The following ZC3H12B variants were observed in gnomAD, a reference collection of about 807,000 sequenced individuals.
The protein encoded by ZC3H12B is probable ribonuclease ZC3H12B.
Under a neutral mutation model 43.9 loss-of-function variants are expected in ZC3H12B, and 7 were observed. The observed-to-expected ratio is 0.16, with a 90% CI of 0.09 to 0.30. The LOEUF (loss-of-function observed/expected upper bound fraction) is 0.30, where lower values mean the gene tolerates loss of function less well. Among genes scored for constraint, ZC3H12B ranks in the 10% least tolerant of loss-of-function variants. The pLI, the probability that ZC3H12B is intolerant of heterozygous loss-of-function variation, is 1.00. For missense variants in ZC3H12B, 475 were observed against 670.2 expected, an observed-to-expected ratio of 0.71 and a Z score of 3.22; for synonymous variants, 222 against 241.7, an observed-to-expected ratio of 0.92 and a Z score of 0.76.
At chrX:65,427,782 T>C (rs1328829872) in intron 3 of ZC3H12B, among the ~76,000 whole-genome samples, 1 of 111,996 alleles carries the variant, frequency 8.9e-6, no homozygotes, top group East Asian at 2.8e-4. Context: ...TTATTATTGT[T>C]ATATGGGGAT....
chrX:65,240,530 G>A, the ZC3H12B span, among the ~76,000 whole-genome samples: 1 of 111,753 alleles, frequency 8.9e-6, no homozygotes, highest in South Asian at 3.7e-4. Context: ...TAGCTCAGCA[G>A]TTTGTTATTA....
the ZC3H12B span, among the ~76,000 whole-genome samples, chrX:65,353,100 G>GC: frequency 6.3e-5 from 7 of 110,374 alleles, no homozygotes; most frequent in Middle Eastern, 4.7e-3. Context: ...CAAGCTATCT[G>GC]CCCCCCCGGC....
chrX:65,436,280 A>G (rs1393268747), intron 3 of ZC3H12B, among the ~76,000 whole-genome samples: 2 of 112,449 alleles, frequency 1.8e-5, no homozygotes, highest in Non-Finnish European at 3.8e-5. Context: ...AACACTGGGA[A>G]CCACAACTCA....
At chrX:65,197,330 C>A in the ZC3H12B span, among the ~76,000 whole-genome samples, 6 of 112,148 alleles carry the variant, frequency 5.4e-5, no homozygotes, top group African/African-American at 9.7e-5. Flanking sequence ...TGCAGGCAAC[C>A]CAAGGCAAAA....
the ZC3H12B span, among the ~76,000 whole-genome samples, chrX:65,161,860 C>A: frequency 5.4e-5 from 6 of 111,653 alleles, no homozygotes; most frequent in African/African-American, 2.0e-4. Flanking sequence ...TCTTCCTAGC[C>A]TCGATGGTCT....
intron 3 of ZC3H12B, among the ~76,000 whole-genome samples, chrX:65,450,867 GTA>G (rs1225619426): frequency 2.6e-3 from 208 of 80,764 alleles, no homozygotes; most frequent in Non-Finnish European, 4.2e-3. Context: ...GTGTATATAT[GTA>G]TATATATACA....
At chrX:65,183,740 T>C in the ZC3H12B span, among the ~76,000 whole-genome samples, 1 of 111,697 alleles carries the variant, frequency 9.0e-6, no homozygotes. Context: ...AAATAGAATA[T>C]GTAAGGTACT....
chrX:65,095,558 A>G, the ZC3H12B span, among the ~76,000 whole-genome samples: 1 of 111,553 alleles, frequency 9.0e-6, no homozygotes, highest in Admixed American at 9.6e-5. Context: ...AACCTGAACA[A>G]AGAACTCTGC....
chrX:65,471,271 CT>C (rs1044667698), intron 3 of ZC3H12B, among the ~76,000 whole-genome samples: 32 of 109,333 alleles, frequency 2.9e-4, no homozygotes, highest in Middle Eastern at 4.7e-3. Context: ...CCTTCTTTGT[CT>C]TTTTTTTAAC....
chrX:65,190,349 C>G, the ZC3H12B span, among the ~76,000 whole-genome samples: 1 of 110,880 alleles, frequency 9.0e-6, no homozygotes, highest in Non-Finnish European at 1.9e-5. Flanking sequence ...TCATTGGTAG[C>G]TTGATGGGGA....
the ZC3H12B span, among the ~76,000 whole-genome samples, chrX:65,113,294 A>G: frequency 2.7e-5 from 3 of 112,097 alleles, no homozygotes; most frequent in African/African-American, 9.7e-5. Flanking sequence ...TGCTATGAAC[A>G]TTGTTGAAAT....
chrX:65,212,641 A>T, the ZC3H12B span, among the ~76,000 whole-genome samples: 1 of 83,833 alleles, frequency 1.2e-5, no homozygotes, highest in African/African-American at 4.6e-5. Context: ...AATATATATG[A>T]TTATATATCA....
At chrX:65,332,422 C>A in the ZC3H12B span, among the ~76,000 whole-genome samples, 1 of 111,712 alleles carries the variant, frequency 9.0e-6, no homozygotes, top group African/African-American at 3.2e-5. Flanking sequence ...TGTGTTCCTA[C>A]ACAAAGAGTG....
chrX:65,167,211 G>A, the ZC3H12B span, among the ~76,000 whole-genome samples: 2 of 111,318 alleles, frequency 1.8e-5, no homozygotes, highest in Admixed American at 9.6e-5. Flanking sequence ...TCTTGAATTA[G>A]TTTTTGTATA....
the ZC3H12B span, among the ~76,000 whole-genome samples, chrX:65,159,911 G>C: frequency 9.0e-6 from 1 of 111,434 alleles, no homozygotes; most frequent in Non-Finnish European, 1.9e-5. Flanking sequence ...GTCATAGATA[G>C]CTCTCATTAT....
At chrX:65,374,641 C>G (rs1471997112) in intron 2 of ZC3H12B, among the ~76,000 whole-genome samples, 1 of 110,302 alleles carries the variant, frequency 9.1e-6, no homozygotes, top group Non-Finnish European at 1.9e-5. Context: ...GAAATAGGCA[C>G]TGTATTAGTC....
At chrX:65,223,459 C>A in the ZC3H12B span, among the ~76,000 whole-genome samples, 3 of 112,251 alleles carry the variant, frequency 2.7e-5, no homozygotes, top group African/African-American at 9.7e-5. Context: ...GCAACAAAGA[C>A]AGATAAATAG....
the ZC3H12B span, among the ~76,000 whole-genome samples, chrX:65,212,126 A>T: frequency 7.1e-5 from 4 of 56,601 alleles, no homozygotes; most frequent in African/African-American, 3.0e-4. Flanking sequence ...ATAGTATATA[A>T]TATACTATAT....
the ZC3H12B span, among the ~76,000 whole-genome samples, chrX:65,322,815 GA>G: frequency 9.0e-6 from 1 of 111,157 alleles, no homozygotes; most frequent in Non-Finnish European, 1.9e-5. Flanking sequence ...ATTGAATATG[GA>G]GGTGACCTTA....
Sources: gnomAD v4.1 joint callset for allele counts (sites outside exome capture counted in the v4.1 genomes callset) on GRCh38, gnomAD v4.1.1 for gene constraint, MANE v1.5 for transcripts, NCBI Gene and HGNC (gene_info 2026-07-23, HGNC 2026-07-21) for gene names.